Variants in LOC122319696 observed in about 807,000 individuals in gnomAD.
the LOC122319696 span, among the ~76,000 whole-genome samples, chrX:149,415,425 G>A: frequency 1.8e-5 from 2 of 111,314 alleles, no homozygotes; most frequent in Non-Finnish European, 1.9e-5. Flanking sequence ...GCTTGGGTTT[G>A]ATTGCTCCAT....
chrX:149,415,055 A>G, the LOC122319696 span, among the ~76,000 whole-genome samples: 1 of 109,137 alleles, frequency 9.2e-6, no homozygotes, highest in Admixed American at 9.7e-5. Flanking sequence ...CACTCTTTTT[A>G]CCTTTTGTGG....
chrX:149,415,275 C>T, the LOC122319696 span, among the ~76,000 whole-genome samples: 63 of 111,296 alleles, frequency 5.7e-4, no homozygotes, highest in East Asian at 0.012. Flanking sequence ...GCAGGTAAAG[C>T]GTAGGAGACA....
At chrX:149,415,059 T>A in the LOC122319696 span, among the ~76,000 whole-genome samples, 1 of 111,176 alleles carries the variant, frequency 9.0e-6, no homozygotes, top group African/African-American at 3.3e-5. Context: ...CTTTTTACCT[T>A]TTGTGGAATT....
the LOC122319696 span, among the ~76,000 whole-genome samples, chrX:149,414,893 AC>A: frequency 8.9e-6 from 1 of 111,820 alleles, no homozygotes; most frequent in Non-Finnish European, 1.9e-5. Context: ...GTTTTTCATA[AC>A]ATGTTGATTT....
the LOC122319696 span, among the ~76,000 whole-genome samples, chrX:149,415,208 A>G: frequency 9.0e-6 from 1 of 111,479 alleles, no homozygotes; most frequent in Admixed American, 9.5e-5. Flanking sequence ...ATAGGCACTG[A>G]ATGAGAAGAG....
chrX:149,415,191 G>A, the LOC122319696 span, among the ~76,000 whole-genome samples: 9 of 111,605 alleles, frequency 8.1e-5, no homozygotes, highest in African/African-American at 2.6e-4. Context: ...TGTGTTCGAG[G>A]AAGGAGATAG....
At chrX:149,415,077 T>C in the LOC122319696 span, among the ~76,000 whole-genome samples, 4 of 111,213 alleles carry the variant, frequency 3.6e-5, no homozygotes, top group Non-Finnish European at 7.5e-5. Flanking sequence ...ATTTCTGTAC[T>C]AGTACTAGAC....
At chrX:149,415,468 C>A in the LOC122319696 span, among the ~76,000 whole-genome samples, 1 of 111,445 alleles carries the variant, frequency 9.0e-6, no homozygotes, top group African/African-American at 3.3e-5. Flanking sequence ...TTTCTGGTAA[C>A]TTTAGCCATG....
the LOC122319696 span, among the ~76,000 whole-genome samples, chrX:149,415,222 C>T: frequency 9.0e-6 from 1 of 111,288 alleles, no homozygotes; most frequent in East Asian, 2.8e-4. Flanking sequence ...AGAAGAGGAG[C>T]TTTGTAAAAA....
the LOC122319696 span, among the ~76,000 whole-genome samples, chrX:149,415,110 G>T: frequency 9.0e-6 from 1 of 111,129 alleles, no homozygotes; most frequent in African/African-American, 3.3e-5. Flanking sequence ...GAACTCCCAT[G>T]AAGCAGTCGT....
At chrX:149,415,342 C>A in the LOC122319696 span, among the ~76,000 whole-genome samples, 2 of 111,310 alleles carry the variant, frequency 1.8e-5, no homozygotes, top group Non-Finnish European at 3.8e-5. Context: ...ACCTTGCCCC[C>A]TTTTCTGGCC....
the LOC122319696 span, among the ~76,000 whole-genome samples, chrX:149,414,932 A>C: frequency 8.9e-6 from 1 of 111,847 alleles, no homozygotes; most frequent in East Asian, 2.8e-4. Flanking sequence ...TCGCTGTTTC[A>C]TTATGCTGTT....
the LOC122319696 span, among the ~76,000 whole-genome samples, chrX:149,415,087 C>T: frequency 0.013 from 1,494 of 110,852 alleles, 24 homozygotes; most frequent in African/African-American, 0.047. Flanking sequence ...TAGTACTAGA[C>T]GATTTTTTTC....
the LOC122319696 span, among the ~76,000 whole-genome samples, chrX:149,415,029 G>A: frequency 1.8e-5 from 2 of 111,094 alleles, no homozygotes; most frequent in African/African-American, 3.3e-5. Context: ...GCTAGTGGCC[G>A]ATTCTTGGCT....
chrX:149,415,409 T>C, the LOC122319696 span, among the ~76,000 whole-genome samples: 32 of 111,577 alleles, frequency 2.9e-4, no homozygotes, highest in East Asian at 7.6e-3. Flanking sequence ...AGATTAATTG[T>C]TCTGTGCTTG....
chrX:149,414,935 ATG>A, the LOC122319696 span, among the ~76,000 whole-genome samples: 72 of 112,076 alleles, frequency 6.4e-4, no homozygotes, highest in South Asian at 5.6e-3. Context: ...CTGTTTCATT[ATG>A]CTGTTGTATC....
At chrX:149,415,088 G>A in the LOC122319696 span, among the ~76,000 whole-genome samples, 2 of 110,675 alleles carry the variant, frequency 1.8e-5, no homozygotes, top group East Asian at 2.8e-4. Flanking sequence ...AGTACTAGAC[G>A]ATTTTTTTCT....
chrX:149,415,163 G>A, the LOC122319696 span, among the ~76,000 whole-genome samples: 1 of 111,636 alleles, frequency 9.0e-6, no homozygotes. Context: ...GGGCAATAGA[G>A]TGATCACAAA....
the LOC122319696 span, among the ~76,000 whole-genome samples, chrX:149,415,123 T>C: frequency 6.3e-5 from 7 of 111,520 alleles, no homozygotes; most frequent in Non-Finnish European, 1.3e-4. Context: ...GCAGTCGTTT[T>C]ATCACCCTCT....
Sources: allele counts gnomAD v4.1 joint callset (sites outside exome capture counted in the v4.1 genomes callset), GRCh38; gene constraint gnomAD v4.1.1; transcripts MANE v1.5.